Variants in PRKN observed in about 807,000 individuals in gnomAD.
The protein encoded by PRKN is parkin RBR E3 ubiquitin protein ligase, also known as E3 ubiquitin-protein ligase parkin.
PRKN carries 56 observed loss-of-function variants against 59.5 expected under a neutral mutation model. The ratio of observed to expected loss-of-function variants is 0.94; its 90% confidence interval spans 0.76 to 1.18. The LOEUF (loss-of-function observed/expected upper bound fraction) is 1.18, where lower values mean the gene tolerates loss of function less well. Ranked by LOEUF, PRKN falls within the 50% of genes most tolerant of loss-of-function variation. The probability of loss-of-function intolerance (pLI) is 0.00; values close to 1 mark genes in which losing one functional copy is unlikely to be tolerated. For missense variants in PRKN, 657 were observed against 596.4 expected (o/e 1.10, Z -1.06); for synonymous variants, 250 against 222.1 (o/e 1.13, Z -1.12).
chr6:161,736,113 T>C (rs1562643598), intron 7 of PRKN, among the ~76,000 whole-genome samples: 1 of 152,194 alleles, frequency 6.6e-6, no homozygotes, highest in Non-Finnish European at 1.5e-5. Flanking sequence ...CATCCATTCA[T>C]TCATTTGCTG....
Position 161,379,512 on chromosome 6 carries a change from C to T in PRKN, c.1167+7282G>A, listed in dbSNP as rs1785876365. 1.3e-5 allele frequency among the ~76,000 whole-genome samples: 2 copies of T among 152,220 alleles called. No individual in the cohort carries two copies. The highest frequency in any genetic ancestry group is 2.9e-5 in the Non-Finnish European group (2 of 68,044). ...CAGATGCTGTGAGGCTGGCCAGACC[C>T]CTCCTCCAGGACTGATATCCCTGCT... On this transcript the variant is annotated intron_variant, in intron 10 of 11. Coordinates refer to ENST00000366898, the MANE Select transcript of PRKN (RefSeq NM_004562.3). The surrounding 1 kb of genome is among the most constrained non-coding windows in gnomAD (Gnocchi z 4.9).
intron 2 of PRKN, among the ~76,000 whole-genome samples, chr6:162,363,618 A>G (rs1004291705): frequency 8.1e-3 from 2 of 248 alleles, no homozygotes; most frequent in African/African-American, 0.014. Context: ...AGACATCATC[A>G]TTGTTACTAT....
intron 1 of PRKN, among the ~76,000 whole-genome samples, chr6:162,448,680 G>A (rs2128169815): frequency 6.6e-6 from 1 of 152,246 alleles, no homozygotes; most frequent in Middle Eastern, 3.4e-3. Flanking sequence ...CATCCCAGGA[G>A]TCTGAATCTG....
chr6:161,786,719 T>G (rs533520826), intron 6 of PRKN, among the ~76,000 whole-genome samples: 63 of 152,290 alleles, frequency 4.1e-4, no homozygotes, highest in Non-Finnish European at 7.9e-4. Flanking sequence ...TCTCACATTT[T>G]ATTGGCAAAT....
intron 3 of PRKN, among the ~76,000 whole-genome samples, chr6:162,256,079 A>G (rs1779628096): frequency 1.3e-5 from 2 of 152,154 alleles, no homozygotes; most frequent in African/African-American, 4.8e-5. Context: ...GAAGAATTGT[A>G]AGATCTTACA....
chr6:162,248,623 G>A (rs1316721456), intron 3 of PRKN, among the ~76,000 whole-genome samples: 3 of 152,196 alleles, frequency 2.0e-5, no homozygotes, highest in Middle Eastern at 3.4e-3. Context: ...CTTTCAGACT[G>A]TACCAGGGAA....
chr6:162,722,651 T>G (rs746738804), intron 1 of PRKN, among the ~76,000 whole-genome samples: 1 of 152,246 alleles, frequency 6.6e-6, no homozygotes, highest in Non-Finnish European at 1.5e-5. Flanking sequence ...AAAACTGCTT[T>G]CATGAATATG....
At chr6:162,486,947 G>A (rs931510155) in intron 1 of PRKN, among the ~76,000 whole-genome samples, 2 of 152,040 alleles carry the variant, frequency 1.3e-5, no homozygotes, top group African/African-American at 4.8e-5. Flanking sequence ...GTGCATACCT[G>A]TAATCACAGC....
intron 1 of PRKN, among the ~76,000 whole-genome samples, chr6:162,506,345 T>C (rs977881114): frequency 2.0e-5 from 3 of 146,834 alleles, no homozygotes; most frequent in Non-Finnish European, 4.5e-5. Flanking sequence ...AGTTTTACAA[T>C]GGAAAGGATC....
chr6:161,598,129 T>A (rs1295955763), intron 7 of PRKN, among the ~76,000 whole-genome samples: 1 of 152,252 alleles, frequency 6.6e-6, no homozygotes, highest in Non-Finnish European at 1.5e-5. Flanking sequence ...ATGCAGCAGA[T>A]GCTCAATAAA....
At chr6:161,767,154 C>T (rs774162241) in intron 7 of PRKN, among the ~76,000 whole-genome samples, 1 of 152,158 alleles carries the variant, frequency 6.6e-6, no homozygotes, top group Non-Finnish European at 1.5e-5. Context: ...AACAAGTTAG[C>T]TAATGAGTGC....
At position 162,563,172 on chromosome 6, in the gene PRKN, T is replaced by C. The variant is rs576696184; in HGVS notation, c.8-119699A>G. Among the ~76,000 whole-genome samples, 75 of 152,060 alleles carry C rather than the reference T, an allele frequency of 4.9e-4. 2 individuals carry two copies. In the South Asian group the frequency reaches 0.012, roughly 25 times the overall value. ...CAAAAAAATTAGCCAGACGTAGTGG[T>C]GGGCGCCTGTAGTCCCAGCTACTCG... On this transcript the variant is annotated intron_variant, in intron 1 of 11. Coordinates refer to ENST00000366898, the MANE Select transcript of PRKN (RefSeq NM_004562.3).
chr6:161,510,043 G>T (rs115683337), intron 9 of PRKN, among the ~76,000 whole-genome samples: 12,226 of 152,150 alleles, frequency 0.08, 703 homozygotes, highest in African/African-American at 0.16. Flanking sequence ...CTTGCCAGGA[G>T]GCTAATCCTC....
At chr6:162,214,099 A>G (rs1777531618) in intron 3 of PRKN, among the ~76,000 whole-genome samples, 1 of 152,064 alleles carries the variant, frequency 6.6e-6, no homozygotes, top group Non-Finnish European at 1.5e-5. Context: ...TCTCAGACGT[A>G]CAGCATACAC....
At chr6:161,928,265 A>C (rs1216598987) in intron 6 of PRKN, among the ~76,000 whole-genome samples, 1 of 152,214 alleles carries the variant, frequency 6.6e-6, no homozygotes, top group Non-Finnish European at 1.5e-5. Flanking sequence ...ATATTTTGTT[A>C]TGGCAGCCTG....
chr6:161,757,196 A>G (rs931931578), intron 7 of PRKN, among the ~76,000 whole-genome samples: 1 of 152,228 alleles, frequency 6.6e-6, no homozygotes, highest in Non-Finnish European at 1.5e-5. Flanking sequence ...GGTATGCTAC[A>G]TAAAGCACAA....
rs985895062 is a variant in PRKN, at chr6:161,379,122, G to C, written c.1167+7672C>G. 1.3e-5 allele frequency among the ~76,000 whole-genome samples: 2 copies of C among 152,140 alleles called. No homozygotes were observed. The highest frequency in any genetic ancestry group is 2.9e-5 in the Non-Finnish European group (2 of 68,034). On this transcript the variant is annotated intron_variant, in intron 10 of 11. Coordinates refer to ENST00000366898, the MANE Select transcript of PRKN (RefSeq NM_004562.3). The surrounding 1 kb of genome is among the most constrained non-coding windows in gnomAD (Gnocchi z 4.9). The stretch of plus-strand genomic sequence containing the variant: ...AGTTATAGAATGGGGTATTTAAATG[G>C]GAAGAATGCATTTGGCACCCAGGTG...
chr6:162,579,794 C>T (rs1233803518), intron 1 of PRKN, among the ~76,000 whole-genome samples: 1 of 152,076 alleles, frequency 6.6e-6, no homozygotes, highest in Non-Finnish European at 1.5e-5. Flanking sequence ...TTTATACACA[C>T]GTTCACACAC....
At chr6:161,817,837 T>G (rs370002098) in intron 6 of PRKN, among the ~76,000 whole-genome samples, 3 of 152,148 alleles carry the variant, frequency 2.0e-5, no homozygotes, top group African/African-American at 7.2e-5. Context: ...CCCAATATTT[T>G]CAAAAAGAAC....
Sources: gnomAD v4.1 joint callset for allele counts (sites outside exome capture counted in the v4.1 genomes callset) on GRCh38, gnomAD v4.1.1 for gene constraint, Gnocchi (gnomAD v3.1) non-coding constraint, MANE v1.5 for transcripts, NCBI Gene and HGNC (gene_info 2026-07-23, HGNC 2026-07-21) for gene names.